Variants in MCC observed in about 807,000 individuals in gnomAD.
The protein encoded by MCC is MCC regulator of Wnt signaling pathway.
Under a neutral mutation model 116.2 loss-of-function variants are expected in MCC, and 90 were observed. The observed-to-expected ratio is 0.77, with a 90% CI of 0.65 to 0.92. The LOEUF is 0.92. MCC is among the 40% of genes least tolerant of loss of function. The pLI is 0.00. For synonymous variants in MCC, 578 were observed against 510.5 expected, an observed-to-expected ratio of 1.13 and a Z score of -1.78; for missense variants, 1,516 against 1,312.2, an observed-to-expected ratio of 1.16 and a Z score of -2.40.
intron 3 of MCC, among the ~76,000 whole-genome samples, chr5:113,194,390 C>T (rs897762292): frequency 1.1e-4 from 16 of 152,130 alleles, no homozygotes; most frequent in East Asian, 1.9e-4. Context: ...TCCTGGTCTG[C>T]GTGGGGGCTC....
At chr5:113,444,796 C>A (rs1771159462) in intron 1 of MCC, among the ~76,000 whole-genome samples, 1 of 152,172 alleles carries the variant, frequency 6.6e-6, no homozygotes, top group Admixed American at 6.5e-5. Context: ...GAAGGCCTTG[C>A]ATCAGTTTCT....
At chr5:113,093,000 A>G (rs1343077376) in intron 8 of MCC, among the ~76,000 whole-genome samples, 1 of 152,218 alleles carries the variant, frequency 6.6e-6, no homozygotes, top group Non-Finnish European at 1.5e-5. Flanking sequence ...AGAATGCTAG[A>G]TGTCCTTAGA....
intron 3 of MCC, among the ~76,000 whole-genome samples, chr5:113,170,236 C>T (rs925504049): frequency 6.6e-6 from 1 of 152,332 alleles, no homozygotes; most frequent in Admixed American, 6.5e-5. Flanking sequence ...TAAACAAGGA[C>T]AGATGGAGCC....
chr5:113,410,954 G>A (rs1171172613), intron 1 of MCC, among the ~76,000 whole-genome samples: 1 of 152,142 alleles, frequency 6.6e-6, no homozygotes, highest in Non-Finnish European at 1.5e-5. Flanking sequence ...TTTTATGGCT[G>A]CATAGTATTC....
At chr5:113,040,810 A>C (rs917952055) in intron 17 of MCC, among the ~76,000 whole-genome samples, 1 of 152,230 alleles carries the variant, frequency 6.6e-6, no homozygotes, top group Non-Finnish European at 1.5e-5. Context: ...TAACCAACTT[A>C]AGGCTGGTTA....
chr5:113,456,221 C>G (rs1444186866), intron 1 of MCC, among the ~76,000 whole-genome samples: 2 of 152,126 alleles, frequency 1.3e-5, no homozygotes, highest in Non-Finnish European at 2.9e-5. Context: ...ATTTTAATGG[C>G]TTAGGAATGC....
In MCC at chr5:113,064,171, T is replaced by A. The variant is rs747395866; in HGVS notation, c.2030-4A>T. On this transcript the variant is annotated splice_region_variant and splice_polypyrimidine_tract_variant and intron_variant, in intron 13 of 18. Transcript: ENST00000408903. ...TTTTCATCCCCCGACTGGTCTCCTA[T>A]GTGGCAGAGAAGCCAACGGATTAAT... The A allele has an allele frequency of 4.4e-6, 7 of 1,605,092 alleles. No homozygotes were observed. In the East Asian group the frequency reaches 1.6e-4, roughly 36 times the overall value.
At chr5:113,254,617 A>T (rs563856408) in intron 3 of MCC, among the ~76,000 whole-genome samples, 45 of 152,298 alleles carry the variant, frequency 3.0e-4, no homozygotes, top group African/African-American at 1.0e-3. Context: ...GCCACTAACC[A>T]AATGTAAAGA....
chr5:113,332,740 C>G (rs1407821313), intron 3 of MCC, among the ~76,000 whole-genome samples: 1 of 151,534 alleles, frequency 6.6e-6, no homozygotes, highest in Non-Finnish European at 1.5e-5. Context: ...GTTTGTATCT[C>G]TACCAAACAA....
chr5:113,385,028 A>G lies in MCC; in HGVS notation c.355T>C (p.Cys119Arg). 1 of 1,614,228 alleles carries G rather than the reference A, an allele frequency of 6.2e-7. No homozygotes were observed. Among genetic ancestry groups the G allele is most frequent in the Non-Finnish European group, 8.5e-7 (1 of 1,180,032 alleles). The part of the protein sequence containing the change: ...VDLSAKSDNS[C>R]TKKLRDRIAS... ...ATTCTATCCCTCAGCTTCTTTGTAC[A>G]GGAGTTGTCTGACTTTGCAGAAAGA... The change falls in exon 2 of 19, where the codon TGT becomes CGT. Residue 119 changes from cysteine to arginine, a missense_variant. Coordinates refer to ENST00000408903, the MANE Select transcript of MCC (RefSeq NM_001085377.2).
chr5:113,125,055 G>C (rs1017018613), intron 5 of MCC, among the ~76,000 whole-genome samples: 1 of 152,188 alleles, frequency 6.6e-6, no homozygotes, highest in South Asian at 2.1e-4. Context: ...GGGAGCAAGT[G>C]GTTCACTATG....
rs191146018 is a variant in MCC, at chr5:113,067,074, G to A, written c.2029+1006C>T. On this transcript the variant is annotated intron_variant, in intron 13 of 18. Transcript: ENST00000408903. ...GCTCGGAGCCACAATCACTGGCCAC[G>A]TTTTAGCAAATGCTGCCGCTTCCTA... Among the ~76,000 whole-genome samples, 5 of 152,328 alleles carry A rather than the reference G, an allele frequency of 3.3e-5. No homozygotes were observed. The East Asian group carries it at 5.8e-4, about 18-fold the overall frequency.
chr5:113,425,596 T>C (rs1479000859), intron 1 of MCC, among the ~76,000 whole-genome samples: 1 of 152,204 alleles, frequency 6.6e-6, no homozygotes, highest in Non-Finnish European at 1.5e-5. Context: ...AGGGAGGCCT[T>C]AAATCCACAT....
intron 1 of MCC, among the ~76,000 whole-genome samples, chr5:113,408,082 C>G (rs1035974812): frequency 6.6e-6 from 1 of 152,120 alleles, no homozygotes; most frequent in Non-Finnish European, 1.5e-5. Context: ...GATATAACCC[C>G]AGCAAACAAC....
At chr5:113,204,189 G>C (rs1221991394) in intron 3 of MCC, among the ~76,000 whole-genome samples, 2 of 152,166 alleles carry the variant, frequency 1.3e-5, no homozygotes, top group African/African-American at 4.8e-5. Flanking sequence ...CGTTTCATCA[G>C]CATTATGGGC....
At chr5:113,134,552 G>T in intron 5 of MCC, among the ~76,000 whole-genome samples, 1 of 116,008 alleles carries the variant, frequency 8.6e-6, no homozygotes, top group Admixed American at 1.0e-4. Context: ...TTGGCTATTT[G>T]GGCTTTTTTT....
intron 2 of MCC, among the ~76,000 whole-genome samples, chr5:113,360,435 T>C (rs1768518035): frequency 6.6e-6 from 1 of 152,218 alleles, no homozygotes; most frequent in Non-Finnish European, 1.5e-5. Flanking sequence ...TTTTCCAAAG[T>C]AAAATTAGCC....
At chr5:113,266,136 A>G (rs1431930674) in intron 3 of MCC, among the ~76,000 whole-genome samples, 2 of 152,114 alleles carry the variant, frequency 1.3e-5, no homozygotes, top group African/African-American at 4.8e-5. Context: ...TGTTCTTTTT[A>G]TAGTTCCCCT....
intron 3 of MCC, among the ~76,000 whole-genome samples, chr5:113,224,768 C>T (rs986403967): frequency 1.3e-5 from 2 of 152,170 alleles, no homozygotes; most frequent in Admixed American, 6.5e-5. Context: ...AAGTTCAAAT[C>T]TTTTACAGAT....
Sources: allele counts gnomAD v4.1 joint callset (sites outside exome capture counted in the v4.1 genomes callset), GRCh38; gene constraint gnomAD v4.1.1; transcripts MANE v1.5; gene names NCBI Gene and HGNC (gene_info 2026-07-23, HGNC 2026-07-21).